DDX4: variants seen among roughly 807,000 people sequenced by gnomAD.
The protein encoded by DDX4 is DEAD-box helicase 4.
In DDX4, 25 loss-of-function variants were observed where a neutral mutation model predicts 100.0. That is an observed-to-expected ratio of 0.25 (90% CI 0.18 to 0.35). The LOEUF (loss-of-function observed/expected upper bound fraction) is 0.35, where lower values mean the gene tolerates loss of function less well. Ranked by LOEUF, DDX4 falls within the 10% of genes least tolerant of loss-of-function variation. DDX4 has a pLI of 1.00. For synonymous variants in DDX4, 259 were observed against 275.7 expected, an observed-to-expected ratio of 0.94 and a Z score of 0.60; for missense variants, 635 against 882.4, an observed-to-expected ratio of 0.72 and a Z score of 3.55.
At chr5:55,750,860 A>T (rs1432969691) in intron 3 of DDX4, among the ~76,000 whole-genome samples, 1 of 152,074 alleles carries the variant, frequency 6.6e-6, no homozygotes, top group Non-Finnish European at 1.5e-5. Context: ...ATTTCTAATG[A>T]CTGTGTGGTA....
intron 15 of DDX4, among the ~76,000 whole-genome samples, 183 bp from the exon 16 acceptor site, chr5:55,790,393 G>A (rs1013825054): frequency 1.3e-5 from 2 of 152,068 alleles, no homozygotes; most frequent in African/African-American, 4.8e-5. Flanking sequence ...TGATTTGCCC[G>A]CCCTGGCCTC....
At chr5:55,755,711 A>G (rs537637555) in intron 3 of DDX4, among the ~76,000 whole-genome samples, 24 of 151,618 alleles carry the variant, frequency 1.6e-4, no homozygotes, top group Non-Finnish European at 2.5e-4. Context: ...GCCAGGGCAG[A>G]TTCTTTTTTT....
chr5:55,785,970 C>A, intron 13 of DDX4, 99 bp downstream of exon 13: 2 of 776,022 alleles, frequency 2.6e-6, no homozygotes, highest in Non-Finnish European at 4.2e-6. Flanking sequence ...ATAGATTTCA[C>A]CTTTCGTATA....
chr5:55,777,094 G>A (rs1046416066), intron 7 of DDX4, among the ~76,000 whole-genome samples: 1 of 152,176 alleles, frequency 6.6e-6, no homozygotes, highest in African/African-American at 2.4e-5. Context: ...AGCTTTGTAG[G>A]AAGGAAGGTA....
intron 3 of DDX4, chr5:55,750,060 G>T (rs1375984397): frequency 6.6e-6 from 1 of 152,168 alleles, no homozygotes; most frequent in Non-Finnish European, 1.5e-5. Flanking sequence ...AACTACACAT[G>T]CAATGACAGT....
intron 7 of DDX4, 96 bp from the exon 8 acceptor site, chr5:55,779,868 A>G (rs1741800938): frequency 5.4e-6 from 8 of 1,479,922 alleles, no homozygotes; most frequent in Non-Finnish European, 7.2e-6. Context: ...GTTTAAAGTT[A>G]CTGAATTATT....
At chr5:55,783,985 C>T (rs867430639) in intron 10 of DDX4, among the ~76,000 whole-genome samples, 13 of 152,094 alleles carry the variant, frequency 8.5e-5, no homozygotes, top group Admixed American at 6.5e-5. Flanking sequence ...GGTATCCCTT[C>T]CCCTGTCCCC....
At chr5:55,765,419 T>A (rs759430671) in intron 6 of DDX4, among the ~76,000 whole-genome samples, 1,864 of 138,686 alleles carry the variant, frequency 0.013, 23 homozygotes, top group Middle Eastern at 0.033. Context: ...AAAAAATATA[T>A]ATATATATAT....
Position 55,802,059 on chromosome 5 carries a change from A to G in DDX4, c.1615+3488A>G, listed in dbSNP as rs527444079. ...GGCATTGGTTCCATAAGGAAAGCCAACCTTTGTTCCTTAAAAAAAAGTATC... is the reference window on the plus strand; with the variant it reads ...GGCATTGGTTCCATAAGGAAAGCCAGCCTTTGTTCCTTAAAAAAAAGTATC... On this transcript the variant is annotated intron_variant, in intron 18 of 21. Coordinates refer to ENST00000505374, the MANE Select transcript of DDX4 (RefSeq NM_024415.3). Among the ~76,000 whole-genome samples the G allele has an allele frequency of 6.6e-5, 10 of 152,238 alleles. No individual in the cohort carries two copies. In the South Asian group the frequency reaches 1.9e-3, roughly 28 times the overall value.
chr5:55,773,152 G>C (rs1741354376), intron 7 of DDX4: 1 of 152,654 alleles, frequency 6.6e-6, no homozygotes, highest in East Asian at 1.9e-4. Flanking sequence ...CCATTTCCTG[G>C]TTCATAGATG....
intron 16 of DDX4, among the ~76,000 whole-genome samples, chr5:55,792,372 T>A (rs1320780175): frequency 1.3e-5 from 2 of 151,514 alleles, no homozygotes; most frequent in Non-Finnish European, 2.9e-5. Flanking sequence ...ATTTTTTTCT[T>A]TTTTTTGAGA....
intron 18 of DDX4, among the ~76,000 whole-genome samples, chr5:55,800,470 C>T (rs1370137243): frequency 1.3e-5 from 2 of 151,866 alleles, no homozygotes; most frequent in African/African-American, 2.4e-5. Context: ...ACTAGAGGCA[C>T]GTGCCACCAT....
At chr5:55,740,960 T>G (rs1320981858) in intron 2 of DDX4, among the ~76,000 whole-genome samples, 1 of 152,254 alleles carries the variant, frequency 6.6e-6, no homozygotes, top group African/African-American at 2.4e-5. Flanking sequence ...TGTTTTAATT[T>G]GGTAATTTTT....
At chr5:55,767,323 C>T (rs1740987543) in intron 6 of DDX4, among the ~76,000 whole-genome samples, 1 of 152,194 alleles carries the variant, frequency 6.6e-6, no homozygotes, top group Non-Finnish European at 1.5e-5. Flanking sequence ...TGCCTGTAAT[C>T]CCAGCTACTC....
intron 18 of DDX4, among the ~76,000 whole-genome samples, chr5:55,813,106 T>A (rs1744208296): frequency 6.6e-6 from 1 of 152,148 alleles, no homozygotes; most frequent in Non-Finnish European, 1.5e-5. Context: ...GAGTAAATAT[T>A]CCTTAACAAG....
rs34999279 is a variant in DDX4 at position 55,765,971 on chromosome 5, A to AT, written c.335-1891dup. Among the ~76,000 whole-genome samples the AT allele has an allele frequency of 9.3e-3, 1,216 of 131,368 alleles. 18 individuals carry two copies. Among genetic ancestry groups the AT allele is most frequent in the South Asian group, 0.029 (117 of 4,070 alleles). The allele number at this position is 131,368 out of a possible 152,430, so 86.2% of individuals were successfully genotyped here. A position where few individuals can be genotyped will look rare whatever the true frequency, so the allele number is the denominator to read the frequency against. On this transcript the variant is annotated intron_variant, in intron 6 of 21. Transcript: ENST00000505374. ...AGGGGCCCGCCATCACGCCCGACTA[A>AT]TTTTTTTTTTTTTTTTTTTGTATTT... is the stretch of plus-strand genomic sequence containing the variant.
At chr5:55,767,251 G>A (rs1431071316) in intron 6 of DDX4, among the ~76,000 whole-genome samples, 2 of 152,146 alleles carry the variant, frequency 1.3e-5, no homozygotes, top group African/African-American at 2.4e-5. Context: ...GACCAGCCTG[G>A]CCAACATGGC....
At chr5:55,771,574 A>G (rs1723843167) in intron 7 of DDX4, among the ~76,000 whole-genome samples, 1 of 152,196 alleles carries the variant, frequency 6.6e-6, no homozygotes, top group African/African-American at 2.4e-5. Flanking sequence ...TTTGGTTGTC[A>G]TTAGTACATA....
At chr5:55,781,391 G>C (rs1056915608) in intron 9 of DDX4, among the ~76,000 whole-genome samples, 1 of 152,168 alleles carries the variant, frequency 6.6e-6, no homozygotes, top group African/African-American at 2.4e-5. Flanking sequence ...GAGGAATAAA[G>C]GATTCTGAGT....
Sources: gnomAD v4.1 joint callset for allele counts (sites outside exome capture counted in the v4.1 genomes callset) on GRCh38, gnomAD v4.1.1 for gene constraint, MANE v1.5 for transcripts, NCBI Gene and HGNC (gene_info 2026-07-23, HGNC 2026-07-21) for gene names.